SPECC1L: variants seen among roughly 807,000 people sequenced by gnomAD.
The protein encoded by SPECC1L is sperm antigen with calponin homology and coiled-coil domains 1 like.
SPECC1L carries 40 observed loss-of-function variants against 116.8 expected under a neutral mutation model. The observed-to-expected ratio is 0.34, with a 90% confidence interval of 0.27 to 0.45. SPECC1L has a LOEUF of 0.45. SPECC1L is among the 20% of genes least tolerant of loss of function. The pLI, the probability that SPECC1L is intolerant of heterozygous loss-of-function variation, is 1.00. For synonymous variants in SPECC1L, 504 were observed against 500.6 expected, an observed-to-expected ratio of 1.01 and a Z score of -0.09; for missense variants, 1,110 against 1,373.6, an observed-to-expected ratio of 0.81 and a Z score of 3.03.
At position 24,364,618 on chromosome 22, in the gene SPECC1L, C is replaced by T. The variant is rs12166246; in HGVS notation, c.2828-858C>T. Among the ~76,000 whole-genome samples, 109 of 146,450 alleles carry T rather than the reference C, an allele frequency of 7.4e-4. 1 individual carries two copies. Among genetic ancestry groups the T allele is most frequent in the Middle Eastern group, 3.7e-3 (1 of 270 alleles). On this transcript the variant is annotated intron_variant, in intron 12 of 16. Coordinates refer to ENST00000314328, the MANE Select transcript of SPECC1L (RefSeq NM_015330.6). ...GCAGAAGTTGCAGTAAGCCGAGATG[C>T]GCCACTGCACTCCAGCCTGGGTGAC...
intron 10 of SPECC1L, among the ~76,000 whole-genome samples, chr22:24,345,498 C>T (rs2041273543): frequency 6.6e-6 from 1 of 152,060 alleles, no homozygotes; most frequent in Admixed American, 6.5e-5. Flanking sequence ...TAAGAAAATA[C>T]AAAAAGCAAG....
At chr22:24,368,631 A>T (rs1042470484) in intron 13 of SPECC1L, among the ~76,000 whole-genome samples, 5 of 152,144 alleles carry the variant, frequency 3.3e-5, no homozygotes, top group African/African-American at 1.2e-4. Context: ...ATGGTAAAGG[A>T]CATAAACGGT....
Position 24,313,462 on chromosome 22 carries a change from C to T in SPECC1L, c.303C>T (p.Ser101=), listed in dbSNP as rs887391009. 3.7e-6 allele frequency: 6 copies of T among 1,613,830 alleles called. No individual in the cohort carries two copies. In the African/African-American group the frequency reaches 8.0e-5, roughly 22 times the overall value. ...MTTVENKSKI[S]TGTASSTKRS... is the part of the protein sequence containing the mutation. ...CCGTGGAGAACAAATCCAAGATTAG[C>T]ACAGGTAACGGTGACATTCAGTCTG... The change falls in exon 4 of 17, where the codon AGC becomes AGT. Residue 101 remains serine (S), a synonymous_variant. Coordinates refer to ENST00000314328, the MANE Select transcript of SPECC1L (RefSeq NM_015330.6).
chr22:24,318,328 G>A (rs999469472), intron 4 of SPECC1L, among the ~76,000 whole-genome samples: 1 of 152,190 alleles, frequency 6.6e-6, no homozygotes, highest in Non-Finnish European at 1.5e-5. Flanking sequence ...AGACCAGCCC[G>A]GCCAACACAG....
intron 8 of SPECC1L, among the ~76,000 whole-genome samples, chr22:24,332,374 A>G (rs956909019): frequency 3.3e-5 from 5 of 152,230 alleles, no homozygotes; most frequent in African/African-American, 1.2e-4. Flanking sequence ...TTTTCCTTAC[A>G]GCCAGTCTGT....
chr22:24,391,152 G>C (rs1397995442), intron 14 of SPECC1L, among the ~76,000 whole-genome samples: 2 of 152,046 alleles, frequency 1.3e-5, no homozygotes, highest in Non-Finnish European at 1.5e-5. Context: ...TGGGATTACG[G>C]GTGTGAGCCA....
At chr22:24,280,362 G>T (rs543610837) in intron 2 of SPECC1L, among the ~76,000 whole-genome samples, 1 of 151,542 alleles carries the variant, frequency 6.6e-6, no homozygotes, top group Non-Finnish European at 1.5e-5. Context: ...AGGTAGTAAT[G>T]AACATTCCTG....
chr22:24,317,309 G>T (rs1281955225), intron 4 of SPECC1L, among the ~76,000 whole-genome samples: 87 of 113,554 alleles, frequency 7.7e-4, no homozygotes, highest in Non-Finnish European at 1.2e-3. Flanking sequence ...GCCAGGCGGG[G>T]GGCTGACCCC....
intron 16 of SPECC1L, among the ~76,000 whole-genome samples, chr22:24,413,521 G>A (rs5751868): frequency 0.52 from 78,487 of 151,918 alleles, 20,385 homozygotes; most frequent in East Asian, 0.55. Context: ...ACTTGTAGCA[G>A]CTGGAGGTGC....
At chr22:24,336,708 A>C (rs1249987627) in intron 9 of SPECC1L, among the ~76,000 whole-genome samples, 31 of 152,186 alleles carry the variant, frequency 2.0e-4, no homozygotes. Flanking sequence ...CTTCATACTA[A>C]TGTTTTTTAA....
At chr22:24,354,855 G>T (rs2041498103) in intron 11 of SPECC1L, among the ~76,000 whole-genome samples, 1 of 151,600 alleles carries the variant, frequency 6.6e-6, no homozygotes, top group Non-Finnish European at 1.5e-5. Context: ...GTAGAGACAG[G>T]GTTTCACCAT....
chr22:24,285,938 C>T (rs760112725), intron 2 of SPECC1L, among the ~76,000 whole-genome samples: 3 of 152,374 alleles, frequency 2.0e-5, no homozygotes, highest in Non-Finnish European at 2.9e-5. Context: ...CCGCGCCTGG[C>T]GCGCTGTTCT....
At chr22:24,366,846 T>A (rs1313818600) in intron 13 of SPECC1L, among the ~76,000 whole-genome samples, 2 of 152,088 alleles carry the variant, frequency 1.3e-5, no homozygotes, top group Non-Finnish European at 2.9e-5. Context: ...TGTCAAAAAT[T>A]TAGCATACGT....
Position 24,365,480 on chromosome 22 carries a change from TC to T in SPECC1L, c.2833del (p.Arg945AspfsTer7). 6.2e-7 allele frequency: 1 copy of T among 1,614,058 alleles called. No individual in the cohort carries two copies. Among genetic ancestry groups the T allele is most frequent in the Non-Finnish European group, 8.5e-7 (1 of 1,179,980 alleles). ...MESAKTLSVS[R>X]RSSEEVKRDI... ...CATAATGACTATTTCTCACAGTGTC[TC>T]GACGAAGTAGTGAAGAAGTGAAACG... On this transcript the variant is annotated frameshift_variant, in exon 13 of 17. Coordinates refer to ENST00000314328, the MANE Select transcript of SPECC1L (RefSeq NM_015330.6). LOFTEE classifies it high-confidence loss of function.
At chr22:24,271,106 CT>C (rs1287351203) in intron 1 of SPECC1L, 123 bp downstream of exon 1, 1 of 152,522 alleles carries the variant, frequency 6.6e-6, no homozygotes, top group Non-Finnish European at 1.5e-5. Context: ...CCTGCGCCGT[CT>C]CTGCTCCTGG....
rs2058318982 is a variant in SPECC1L, at chr22:24,365,618, C to G, written c.2970C>G (p.Thr990=). The change falls in exon 13 of 17, where the codon ACC becomes ACG. Residue 990 remains threonine, a synonymous_variant. Coordinates refer to ENST00000314328, the MANE Select transcript of SPECC1L (RefSeq NM_015330.6). ...SSPTASVTPT[T]RSRIREERKD... ...CAACGGCATCTGTGACTCCCACCAC[C>G]CGAAGCCGAATAAGGTAGAGAACAG... The G allele has an allele frequency of 1.2e-6, 2 of 1,614,156 alleles. No individual in the cohort carries two copies. Among genetic ancestry groups the G allele is most frequent in the Non-Finnish European group, 8.5e-7 (1 of 1,180,032 alleles).
chr22:24,338,381 TGTA>T lies in SPECC1L; in HGVS notation c.2561-1_2562del. 6.2e-7 allele frequency: 1 copy of T among 1,613,816 alleles called. No individual in the cohort carries two copies. The highest frequency in any genetic ancestry group is 8.5e-7 in the Non-Finnish European group (1 of 1,179,782). On this transcript the variant is annotated splice_acceptor_variant and splice_polypyrimidine_tract_variant and intron_variant, in intron 9 of 16. Transcript: ENST00000314328. LOFTEE classifies it high-confidence loss of function. ...TATTTCCCTTTTTGTTTGTTGTTTT[TGTA>T]GTACCAAACCCTGCTGCAGCTGCAA...
rs772362866 is a variant in SPECC1L at position 24,404,627 on chromosome 22, C to T, written c.3088-6961C>T. ...CCCACCACTCCAGCCCAACTTGATA[C>T]GGACCTCTGCAGCCACTGACCAGCC... is the stretch of plus-strand genomic sequence containing the variant. On this transcript the variant is annotated intron_variant, in intron 14 of 16. Transcript: ENST00000314328. Among the ~76,000 whole-genome samples, 67 of 152,294 alleles carry T rather than the reference C, an allele frequency of 4.4e-4. 1 individual carries two copies. The highest frequency in any genetic ancestry group is 1.5e-3 in the East Asian group (8 of 5,176).
intron 8 of SPECC1L, among the ~76,000 whole-genome samples, chr22:24,331,277 A>G (rs1229140389): frequency 6.6e-6 from 1 of 152,208 alleles, no homozygotes; most frequent in Admixed American, 6.5e-5. Flanking sequence ...GAAAACTAAC[A>G]GTATATCTTT....
Sources: gnomAD v4.1 joint callset for allele counts (sites outside exome capture counted in the v4.1 genomes callset) on GRCh38, gnomAD v4.1.1 for gene constraint, MANE v1.5 for transcripts, NCBI Gene and HGNC (gene_info 2026-07-23, HGNC 2026-07-21) for gene names.